CDIN1: variants seen among roughly 807,000 people sequenced by gnomAD.
CDIN1 encodes CDAN1-interacting nuclease 1.
In CDIN1, 33 loss-of-function variants were observed where a neutral mutation model predicts 45.3. The observed-to-expected ratio is 0.73, with a 90% CI of 0.55 to 0.97. The LOEUF (loss-of-function observed/expected upper bound fraction) is 0.97, where lower values mean the gene tolerates loss of function less well. Among genes scored for constraint, CDIN1 ranks in the 50% least tolerant of loss-of-function variants. The pLI is 0.00. For synonymous variants in CDIN1, 118 were observed against 124.4 expected (o/e 0.95, Z 0.34); for missense variants, 303 against 339.4 (o/e 0.89, Z 0.84).
intron 5 of CDIN1, among the ~76,000 whole-genome samples, chr15:36,679,229 T>C (rs1443421639): frequency 6.6e-6 from 1 of 152,182 alleles, no homozygotes; most frequent in African/African-American, 2.4e-5. Context: ...CAATCTGGCA[T>C]TGGCAAATTT....
At chr15:36,773,325 A>G (rs969848337) in intron 10 of CDIN1, among the ~76,000 whole-genome samples, 1 of 152,264 alleles carries the variant, frequency 6.6e-6, no homozygotes. Flanking sequence ...ACATTCTGCA[A>G]TAATGGAAAT....
intron 1 of CDIN1, among the ~76,000 whole-genome samples, chr15:36,626,106 A>AAAATTG (rs1426626433): frequency 3.3e-5 from 5 of 151,492 alleles, no homozygotes; most frequent in African/African-American, 9.7e-5. Flanking sequence ...TATGTATGTT[A>AAAATTG]AAATTGCATG....
chr15:36,750,810 A>G (rs2053439992), intron 10 of CDIN1, among the ~76,000 whole-genome samples: 1 of 152,186 alleles, frequency 6.6e-6, no homozygotes, highest in Non-Finnish European at 1.5e-5. Flanking sequence ...CCAACCTTAT[A>G]ACTCAACTGC....
chr15:36,767,761 A>G (rs1168311153), intron 10 of CDIN1, among the ~76,000 whole-genome samples: 1 of 152,212 alleles, frequency 6.6e-6, no homozygotes, highest in African/African-American at 2.4e-5. Context: ...TCATGTGTAG[A>G]GTGAACTTGA....
At chr15:36,724,094 A>G (rs1305341530) in intron 10 of CDIN1, among the ~76,000 whole-genome samples, 1 of 152,208 alleles carries the variant, frequency 6.6e-6, no homozygotes, top group African/African-American at 2.4e-5. Flanking sequence ...GAAGAGGTTA[A>G]GTGCCCAAAT....
rs77614981 is a variant in CDIN1, at chr15:36,725,608, A to G, written c.716+15647A>G. ...AAATTGTAGATAAATTGAAGTAATT[A>G]TCTCCTGTGTACATAATGTGTTAAA... On this transcript the variant is annotated intron_variant, in intron 10 of 10. Transcript: ENST00000566621. Among the ~76,000 whole-genome samples the G allele has an allele frequency of 9.3e-3, 1,422 of 152,310 alleles. 19 individuals carry two copies. The highest frequency in any genetic ancestry group is 0.033 in the African/African-American group (1,366 of 41,574).
chr15:36,595,543 C>T (rs1283026923), intron 1 of CDIN1, among the ~76,000 whole-genome samples: 1 of 151,946 alleles, frequency 6.6e-6, no homozygotes, highest in Non-Finnish European at 1.5e-5. Flanking sequence ...AATAGTCTGC[C>T]CTAATAATTG....
intron 1 of CDIN1, among the ~76,000 whole-genome samples, chr15:36,633,517 A>G (rs1366544095): frequency 6.6e-6 from 1 of 152,120 alleles, no homozygotes; most frequent in East Asian, 1.9e-4. Context: ...TTTTGGGTAA[A>G]CACTACATTT....
At chr15:36,729,259 T>A (rs1002620463) in intron 10 of CDIN1, among the ~76,000 whole-genome samples, 2 of 152,226 alleles carry the variant, frequency 1.3e-5, no homozygotes, top group Non-Finnish European at 2.9e-5. Flanking sequence ...GTGGATCTTT[T>A]CTTGGTTTCG....
At chr15:36,690,469 C>T (rs1372817259) in intron 5 of CDIN1, among the ~76,000 whole-genome samples, 1 of 151,878 alleles carries the variant, frequency 6.6e-6, no homozygotes, top group African/African-American at 2.4e-5. Flanking sequence ...GGGGTTTCAC[C>T]TTGTTAGCCA....
At chr15:36,785,229 T>C (rs896628706) in intron 10 of CDIN1, among the ~76,000 whole-genome samples, 4 of 152,184 alleles carry the variant, frequency 2.6e-5, no homozygotes, top group African/African-American at 7.2e-5. Context: ...TAAGGTGTTC[T>C]CATAGACTTT....
rs370886306 is a variant in CDIN1, at chr15:36,644,283, C to T, written c.107C>T (p.Ser36Leu). 3.3e-5 allele frequency: 53 copies of T among 1,613,498 alleles called. No homozygotes were observed. In the East Asian group the frequency reaches 4.0e-4, roughly 12 times the overall value. Residue 36 changes from serine to leucine, a missense_variant, in exon 2 of 11, where the codon TCG (serine) becomes TTG (leucine). Physicochemically the swap from Ser to Leu is moderately radical, Grantham distance 145 (BLOSUM62 -2). Coordinates refer to ENST00000566621, the MANE Select transcript of CDIN1 (RefSeq NM_001321759.2). Reference protein sequence around the residue: ...RKLKQRFPSQSQATLLSIFSQ... With the variant: ...RKLKQRFPSQLQATLLSIFSQ... ...CCTTCTTTTATTTGTTCCAGTCAAT[C>T]GCAGGCCACTCTGCTGAGCATCTTC...
At chr15:36,766,475 C>A (rs1372110099) in intron 10 of CDIN1, among the ~76,000 whole-genome samples, 3 of 152,112 alleles carry the variant, frequency 2.0e-5, no homozygotes, top group Non-Finnish European at 4.4e-5. Flanking sequence ...TTTTGAGGAC[C>A]CTCCATACTA....
chr15:36,691,811 C>A, intron 6 of CDIN1, 47 bp downstream of exon 6: 1 of 1,361,416 alleles, frequency 7.3e-7, no homozygotes, highest in Non-Finnish European at 1.0e-6. Flanking sequence ...TGTTATCTGC[C>A]TAGCAGAGTA....
intron 10 of CDIN1, among the ~76,000 whole-genome samples, chr15:36,765,252 C>T (rs1455739531): frequency 2.6e-5 from 4 of 151,904 alleles, no homozygotes; most frequent in African/African-American, 9.7e-5. Context: ...GATGGGATTT[C>T]ACCATGTTGG....
chr15:36,640,528 A>T, intron 1 of CDIN1: 1 of 543,728 alleles, frequency 1.8e-6, no homozygotes, highest in Non-Finnish European at 2.3e-6. Context: ...AGTAGAGTGT[A>T]CACATTTAAG....
intron 10 of CDIN1, among the ~76,000 whole-genome samples, chr15:36,803,905 G>A (rs1015816617): frequency 1.5e-4 from 23 of 152,278 alleles, no homozygotes; most frequent in Admixed American, 6.5e-4. Context: ...CCTAGGTGTG[G>A]CTTAACCATT....
chr15:36,642,221 C>A (rs555070696), intron 1 of CDIN1, among the ~76,000 whole-genome samples: 1 of 152,300 alleles, frequency 6.6e-6, no homozygotes, highest in Non-Finnish European at 1.5e-5. Flanking sequence ...TACTTTCCTG[C>A]TCCTTATGGT....
intron 8 of CDIN1, among the ~76,000 whole-genome samples, chr15:36,701,110 A>T (rs200778434): frequency 2.4e-5 from 2 of 84,430 alleles, no homozygotes; most frequent in Non-Finnish European, 4.8e-5. Context: ...AGATAGATAG[A>T]TAGATAGGTA....
Sources: gnomAD v4.1 joint callset for allele counts (sites outside exome capture counted in the v4.1 genomes callset) on GRCh38, gnomAD v4.1.1 for gene constraint, MANE v1.5 for transcripts, NCBI Gene and HGNC (gene_info 2026-07-23, HGNC 2026-07-21) for gene names.